Variants in SYT1 observed in about 807,000 individuals in gnomAD.
The protein encoded by SYT1 is synaptotagmin 1, also known as synaptotagmin-1.
A neutral mutation model predicts 44.8 loss-of-function variants in SYT1; 8 were observed. That is an observed-to-expected ratio of 0.18 (90% confidence interval 0.10 to 0.32). SYT1 has a LOEUF of 0.32. Among genes scored for constraint, SYT1 ranks in the 10% least tolerant of loss-of-function variants. The pLI, the probability that SYT1 is intolerant of heterozygous loss-of-function variation, is 1.00. For synonymous variants in SYT1, 154 were observed against 188.8 expected, an observed-to-expected ratio of 0.82 and a Z score of 1.51; for missense variants, 286 against 509.3, an observed-to-expected ratio of 0.56 and a Z score of 4.22.
intron 9 of SYT1, among the ~76,000 whole-genome samples, chr12:79,432,459 C>A (rs969638985): frequency 2.6e-5 from 4 of 151,262 alleles, no homozygotes; most frequent in Non-Finnish European, 4.4e-5. Flanking sequence ...TGAGAACATG[C>A]GGTTTTTGGT....
At chr12:78,923,933 A>G (rs1877155782) in intron 1 of SYT1, among the ~76,000 whole-genome samples, 3 of 151,980 alleles carry the variant, frequency 2.0e-5, no homozygotes, top group Admixed American at 2.0e-4. Flanking sequence ...ATAGCTAAAG[A>G]AAATATCATC....
At chr12:79,127,845 G>A (rs985141449) in intron 3 of SYT1, among the ~76,000 whole-genome samples, 2 of 152,218 alleles carry the variant, frequency 1.3e-5, no homozygotes, top group Non-Finnish European at 2.9e-5. Flanking sequence ...TCAAGTTGGA[G>A]AAGTTGATTA....
intron 1 of SYT1, among the ~76,000 whole-genome samples, chr12:78,968,953 A>G (rs1207134908): frequency 6.6e-6 from 1 of 152,180 alleles, no homozygotes; most frequent in African/African-American, 2.4e-5. Flanking sequence ...AAGTAAACAA[A>G]TTCTATAATC....
At chr12:79,284,364 T>A (rs1292565212) in intron 4 of SYT1, among the ~76,000 whole-genome samples, 29 of 152,204 alleles carry the variant, frequency 1.9e-4, no homozygotes. Flanking sequence ...CCTGTAAACC[T>A]AAGCCTCTCC....
At chr12:79,050,158 A>C (rs945079042) in intron 3 of SYT1, among the ~76,000 whole-genome samples, 2 of 144,304 alleles carry the variant, frequency 1.4e-5, no homozygotes, top group African/African-American at 5.3e-5. Context: ...TGTTATGTGT[A>C]TTATATACTC....
chr12:79,141,456 C>T (rs1229804428), intron 3 of SYT1, among the ~76,000 whole-genome samples: 1 of 151,896 alleles, frequency 6.6e-6, no homozygotes, highest in Non-Finnish European at 1.5e-5. Context: ...CTAAAATAAG[C>T]TATTCATTTT....
intron 9 of SYT1, among the ~76,000 whole-genome samples, chr12:79,440,778 A>C (rs1870363138): frequency 6.6e-6 from 1 of 152,166 alleles, no homozygotes; most frequent in South Asian, 2.1e-4. Context: ...TTTGCTTTAG[A>C]ATTTTTAAAA....
chr12:78,955,990 G>A (rs905851873), intron 1 of SYT1, among the ~76,000 whole-genome samples: 1 of 151,976 alleles, frequency 6.6e-6, no homozygotes, highest in African/African-American at 2.4e-5. Context: ...GTGGAATGGG[G>A]TGATAAAAGA....
rs559825158 is a variant in SYT1 at position 79,099,166 on chromosome 12, T to C, written c.-18+51804T>C. ...GGCAATGCAGCCAGAAGGTGAATTT[T>C]GCTACTTGGCTTACAGTCCTGATCC... On this transcript the variant is annotated intron_variant, in intron 3 of 10. Coordinates refer to ENST00000261205, the MANE Select transcript of SYT1 (RefSeq NM_005639.3). Among the ~76,000 whole-genome samples the C allele has an allele frequency of 4.6e-5, 7 of 152,232 alleles. No individual in the cohort carries two copies. The East Asian group carries it at 1.2e-3, about 25-fold the overall frequency.
chr12:79,364,195 T>C (rs1267134077), intron 9 of SYT1, among the ~76,000 whole-genome samples: 2 of 152,196 alleles, frequency 1.3e-5, no homozygotes, highest in African/African-American at 4.8e-5. Flanking sequence ...GCCATCATTT[T>C]CAGAAGATTT....
chr12:79,197,575 A>G (rs1463495316), intron 3 of SYT1, among the ~76,000 whole-genome samples: 3 of 152,234 alleles, frequency 2.0e-5, no homozygotes, highest in Admixed American at 6.5e-5. Context: ...GAATTTTACT[A>G]TATTTCCTCA....
chr12:79,317,693 G>A (rs1019589161), intron 8 of SYT1, among the ~76,000 whole-genome samples: 1 of 152,154 alleles, frequency 6.6e-6, no homozygotes, highest in African/African-American at 2.4e-5. Context: ...CTCAACTCAC[G>A]TGTTGGTAAA....
intron 8 of SYT1, among the ~76,000 whole-genome samples, chr12:79,303,749 A>G (rs1158267013): frequency 6.6e-6 from 1 of 152,214 alleles, no homozygotes; most frequent in East Asian, 1.9e-4. Context: ...AAGAATACAT[A>G]TTCAATCAAA....
chr12:79,230,438 G>A (rs1875803948), intron 4 of SYT1, among the ~76,000 whole-genome samples: 1 of 151,902 alleles, frequency 6.6e-6, no homozygotes, highest in Non-Finnish European at 1.5e-5. Flanking sequence ...TTATATTATA[G>A]TTGACAAATT....
rs368277050 is a variant in SYT1 at position 79,225,293 on chromosome 12, CTTG to C, written c.166+7611_166+7613del. ...CTTCTTATTCCTCATTAATTAGCAA[CTTG>C]TTAATTTGTCTGTCCACTTTTAAGA... On this transcript the variant is annotated intron_variant, in intron 4 of 10. Transcript: ENST00000261205. Among the ~76,000 whole-genome samples the C allele has an allele frequency of 4.1e-3, 617 of 152,262 alleles. 3 individuals are homozygous for C. Among genetic ancestry groups the C allele is most frequent in the African/African-American group, 0.014 (581 of 41,544 alleles).
At chr12:79,382,858 AT>A (rs1262482856) in intron 9 of SYT1, among the ~76,000 whole-genome samples, 1 of 152,252 alleles carries the variant, frequency 6.6e-6, no homozygotes, top group African/African-American at 2.4e-5. Flanking sequence ...ACAAACTCAA[AT>A]ATTGTAAAAA....
chr12:79,115,759 A>G (rs1052162897), intron 3 of SYT1, among the ~76,000 whole-genome samples: 1 of 152,222 alleles, frequency 6.6e-6, no homozygotes, highest in Non-Finnish European at 1.5e-5. Flanking sequence ...AATGCCAGAT[A>G]TCCTTTGTAA....
intron 2 of SYT1, among the ~76,000 whole-genome samples, chr12:78,999,498 T>C (rs1168245489): frequency 6.6e-6 from 1 of 152,202 alleles, no homozygotes. Flanking sequence ...CAATTTTGAT[T>C]TATATCACCT....
At chr12:79,177,034 TC>T (rs1160147944) in intron 3 of SYT1, among the ~76,000 whole-genome samples, 6 of 28,108 alleles carry the variant, frequency 2.1e-4, no homozygotes, top group South Asian at 1.1e-3. Flanking sequence ...AAAGCATATT[TC>T]TTTTTTTTTT....
Sources: allele counts gnomAD v4.1 joint callset (sites outside exome capture counted in the v4.1 genomes callset), GRCh38; gene constraint gnomAD v4.1.1; transcripts MANE v1.5; gene names NCBI Gene and HGNC (gene_info 2026-07-23, HGNC 2026-07-21).